The following NLGN1 variants were observed in gnomAD, a reference collection of about 807,000 sequenced individuals.
NLGN1 encodes the protein neuroligin 1, also known as neuroligin-1.
Under a neutral mutation model 65.5 loss-of-function variants are expected in NLGN1, and 12 were observed. That is an observed-to-expected ratio of 0.18 (90% CI 0.12 to 0.30). The LOEUF (loss-of-function observed/expected upper bound fraction) is 0.30. Ranked by LOEUF, NLGN1 falls within the 10% of genes least tolerant of loss-of-function variation. NLGN1 has a pLI of 1.00. For missense variants in NLGN1, 750 were observed against 1,007.1 expected, an observed-to-expected ratio of 0.74 and a Z score of 3.46; for synonymous variants, 350 against 359.5, an observed-to-expected ratio of 0.97 and a Z score of 0.30.
In NLGN1 at chr3:174,260,812, T is replaced by C. The variant is rs945204189; in HGVS notation, c.647-14503T>C. The stretch of plus-strand genomic sequence containing the variant: ...AGGTTTTCTTCTAGGGTTTTTATGG[T>C]TTTAGGTCTAACGTTTAAGTCTTTA... On this transcript the variant is annotated intron_variant, in intron 4 of 6. Transcript: ENST00000457714. 8.6e-4 allele frequency among the ~76,000 whole-genome samples: 130 copies of C among 150,796 alleles called. 1 individual carries two copies. The highest frequency in any genetic ancestry group is 1.5e-3 in the Non-Finnish European group (101 of 67,800).
intron 3 of NLGN1, among the ~76,000 whole-genome samples, chr3:173,744,370 A>G (rs1167842657): frequency 6.6e-6 from 1 of 152,126 alleles, no homozygotes; most frequent in Non-Finnish European, 1.5e-5. Context: ...GGCAATGATA[A>G]GTAAAAGCAG....
In NLGN1 at chr3:173,934,386, C is replaced by T. The variant is rs932193084; in HGVS notation, c.646+126554C>T. Among the ~76,000 whole-genome samples, 10 of 150,846 alleles carry T rather than the reference C, an allele frequency of 6.6e-5. No individual in the cohort carries two copies. The East Asian group carries it at 1.6e-3, about 23-fold the overall frequency. On this transcript the variant is annotated intron_variant, in intron 4 of 6. Coordinates refer to ENST00000457714, the Ensembl canonical transcript of NLGN1. ...GTTTATTTCATTTTGTTTTATGAAG[C>T]GGTTGCAAGAAAAAGTGAATAATGA...
intron 4 of NLGN1, among the ~76,000 whole-genome samples, chr3:174,193,374 T>C (rs190629813): frequency 1.7e-4 from 26 of 152,244 alleles, no homozygotes; most frequent in Non-Finnish European, 2.9e-4. Context: ...CCTGCCAAAG[T>C]TGGGAGAGGG....
intron 4 of NLGN1, among the ~76,000 whole-genome samples, chr3:174,121,738 C>G (rs1462373931): frequency 6.6e-6 from 1 of 152,124 alleles, no homozygotes; most frequent in Non-Finnish European, 1.5e-5. Context: ...CCTCCGGTAG[C>G]TTACACAATG....
At chr3:173,415,943 A>AGAGAGAGAGAGAGAGAGAGAGCGCGC (rs141095727) in intron 1 of NLGN1, among the ~76,000 whole-genome samples, 1 of 142,828 alleles carries the variant, frequency 7.0e-6, no homozygotes, top group African/African-American at 2.8e-5. Context: ...AGAGAGAGAG[A>AGAGAGAGAGAGAGAGAGAGAGCGCGC]GCTTGGTATA....
intron 3 of NLGN1, among the ~76,000 whole-genome samples, chr3:173,689,703 C>T (rs1765187575): frequency 6.6e-6 from 1 of 152,104 alleles, no homozygotes; most frequent in South Asian, 2.1e-4. Context: ...ATTTTTCATT[C>T]TATCTGTAAC....
At chr3:173,648,202 G>A (rs1004713119) in intron 3 of NLGN1, among the ~76,000 whole-genome samples, 3 of 151,974 alleles carry the variant, frequency 2.0e-5, no homozygotes, top group Admixed American at 1.3e-4. Context: ...TCATTAAGAG[G>A]ATGAACAGAT....
At chr3:173,964,856 C>T (rs374939795) in intron 4 of NLGN1, among the ~76,000 whole-genome samples, 6 of 151,926 alleles carry the variant, frequency 3.9e-5, no homozygotes, top group African/African-American at 1.5e-4. Flanking sequence ...TTTTCAGGTA[C>T]GAGTACATGA....
At chr3:174,193,956 G>A (rs1025635359) in intron 4 of NLGN1, among the ~76,000 whole-genome samples, 3 of 151,848 alleles carry the variant, frequency 2.0e-5, no homozygotes, top group South Asian at 2.1e-4. Context: ...GCAGAGCTTA[G>A]AATAAATTTC....
intron 3 of NLGN1, among the ~76,000 whole-genome samples, chr3:173,749,167 G>C (rs749303578): frequency 6.6e-6 from 1 of 151,872 alleles, no homozygotes; most frequent in Non-Finnish European, 1.5e-5. Context: ...TCTCACTCAC[G>C]CTTTTTGTTT....
In NLGN1 at chr3:173,817,392, T is replaced by A. The variant is rs145663639; in HGVS notation, c.646+9560T>A. Among the ~76,000 whole-genome samples the A allele has an allele frequency of 1.2e-3, 182 of 152,318 alleles. 1 individual carries two copies. The highest frequency in any genetic ancestry group is 4.3e-3 in the African/African-American group (177 of 41,562). On this transcript the variant is annotated intron_variant, in intron 4 of 6. Transcript: ENST00000457714. ...GCCTAGACCTTGATCAAAGTTGACATTCTGCTGTGGATACAAAAAGCACGG... is the reference window on the plus strand; with the variant it reads ...GCCTAGACCTTGATCAAAGTTGACAATCTGCTGTGGATACAAAAAGCACGG...
At chr3:173,891,209 G>A (rs1165981905) in intron 4 of NLGN1, among the ~76,000 whole-genome samples, 1 of 152,140 alleles carries the variant, frequency 6.6e-6, no homozygotes, top group Non-Finnish European at 1.5e-5. Flanking sequence ...CTAATATTGT[G>A]CACTGTTCAT....
At chr3:173,447,757 C>T (rs555678109) in intron 2 of NLGN1, among the ~76,000 whole-genome samples, 53 of 152,234 alleles carry the variant, frequency 3.5e-4, no homozygotes, top group African/African-American at 1.2e-3. Context: ...TTGTAGTTCT[C>T]CTTGAAGAGA....
At chr3:174,250,110 T>A (rs562545818) in intron 4 of NLGN1, among the ~76,000 whole-genome samples, 1 of 118,412 alleles carries the variant, frequency 8.4e-6, no homozygotes, top group African/African-American at 4.7e-5. Flanking sequence ...AAGTGCACAC[T>A]TTTTTTTCAG....
chr3:174,062,491 G>T (rs73880329), intron 4 of NLGN1, among the ~76,000 whole-genome samples: 2,385 of 151,264 alleles, frequency 0.016, 63 homozygotes, highest in African/African-American at 0.055. Context: ...TTAAATTTTT[G>T]CTTTTAAAAA....
At chr3:174,045,049 A>C (rs1412748252) in intron 4 of NLGN1, among the ~76,000 whole-genome samples, 1 of 152,142 alleles carries the variant, frequency 6.6e-6, no homozygotes, top group Non-Finnish European at 1.5e-5. Flanking sequence ...TAGCAGCATG[A>C]GAATGGACTA....
chr3:173,952,286 C>T (rs990822973), intron 4 of NLGN1, among the ~76,000 whole-genome samples: 5 of 152,132 alleles, frequency 3.3e-5, no homozygotes, highest in African/African-American at 9.7e-5. Context: ...TCAGTCTCTC[C>T]GGAGTCACTG....
intron 4 of NLGN1, among the ~76,000 whole-genome samples, chr3:174,252,664 T>C (rs1015506375): frequency 2.0e-5 from 3 of 152,172 alleles, no homozygotes; most frequent in Non-Finnish European, 4.4e-5. Flanking sequence ...CCCTAATATT[T>C]TTGTTGGAAT....
intron 4 of NLGN1, among the ~76,000 whole-genome samples, chr3:173,881,089 C>CTTTTTTTTT (rs928288845): frequency 2.8e-5 from 3 of 108,212 alleles, no homozygotes; most frequent in Admixed American, 1.1e-4. Context: ...AGGCTCCCTC[C>CTTTTTTTTT]TTTTTTTTTT....
Sources: allele counts gnomAD v4.1 joint callset (sites outside exome capture counted in the v4.1 genomes callset), GRCh38; gene constraint gnomAD v4.1.1; transcripts MANE v1.5; gene names NCBI Gene and HGNC (gene_info 2026-07-23, HGNC 2026-07-21).